Variants in TMEM117 observed in about 807,000 individuals in gnomAD.
The protein encoded by TMEM117 is transmembrane protein 117.
In TMEM117, 27 loss-of-function variants were observed where a neutral mutation model predicts 52.4. The ratio of observed to expected loss-of-function variants is 0.51; its 90% confidence interval spans 0.38 to 0.71. The LOEUF is 0.71. Ranked by LOEUF, TMEM117 falls within the 30% of genes least tolerant of loss-of-function variation. TMEM117 has a pLI of 0.00. For missense variants in TMEM117, 556 were observed against 630.5 expected (o/e 0.88, Z 1.26); for synonymous variants, 215 against 206.3 (o/e 1.04, Z -0.36).
chr12:44,119,360 G>A (rs1182870825), intron 3 of TMEM117, among the ~76,000 whole-genome samples: 2 of 152,136 alleles, frequency 1.3e-5, no homozygotes, highest in East Asian at 1.9e-4. Context: ...CCTCTTGATG[G>A]CAGGAAGCTC....
At chr12:44,216,530 G>A (rs1018526607) in intron 5 of TMEM117, among the ~76,000 whole-genome samples, 8 of 152,192 alleles carry the variant, frequency 5.3e-5, no homozygotes, top group East Asian at 1.9e-4. Flanking sequence ...GAAATGGGGC[G>A]CTGCCATAAC....
At chr12:44,383,331 AAT>A (rs1218518329) in intron 7 of TMEM117, among the ~76,000 whole-genome samples, 19 of 148,174 alleles carry the variant, frequency 1.3e-4, no homozygotes, top group African/African-American at 4.5e-4. Flanking sequence ...CTTTCCCTCA[AAT>A]TGTTGTCATT....
chr12:44,163,125 T>G (rs1948920029), intron 4 of TMEM117, among the ~76,000 whole-genome samples: 1 of 152,230 alleles, frequency 6.6e-6, no homozygotes, highest in Non-Finnish European at 1.5e-5. Context: ...GCTTGCACAT[T>G]CTTTGGTGGA....
At chr12:43,929,156 T>C (rs1240212004) in intron 2 of TMEM117, among the ~76,000 whole-genome samples, 1 of 152,172 alleles carries the variant, frequency 6.6e-6, no homozygotes, top group Non-Finnish European at 1.5e-5. Context: ...TCTAGATCCC[T>C]GAGGAATGGC....
At chr12:44,099,599 T>C (rs1947828802) in intron 3 of TMEM117, among the ~76,000 whole-genome samples, 1 of 152,038 alleles carries the variant, frequency 6.6e-6, no homozygotes, top group South Asian at 2.1e-4. Context: ...GAACCTGATA[T>C]AATAAAGTGA....
At chr12:44,083,621 C>G (rs1276514899) in intron 3 of TMEM117, 1 of 151,844 alleles carries the variant, frequency 6.6e-6, no homozygotes, top group Non-Finnish European at 1.5e-5. Context: ...TCAGGTTGCT[C>G]TTGAACTCCT....
At chr12:44,199,462 C>A (rs964610350) in intron 4 of TMEM117, among the ~76,000 whole-genome samples, 2 of 152,088 alleles carry the variant, frequency 1.3e-5, no homozygotes, top group African/African-American at 2.4e-5. Flanking sequence ...CTGATGTGAA[C>A]CAGTATATGA....
intron 2 of TMEM117, among the ~76,000 whole-genome samples, chr12:43,940,053 C>T (rs567473284): frequency 2.6e-5 from 4 of 152,194 alleles, no homozygotes; most frequent in Non-Finnish European, 5.9e-5. Context: ...GACCCTCCTA[C>T]AACACTTGGG....
chr12:44,088,240 G>A (rs1947604985), intron 3 of TMEM117, among the ~76,000 whole-genome samples: 1 of 152,142 alleles, frequency 6.6e-6, no homozygotes, highest in Admixed American at 6.5e-5. Context: ...ATATGAAGTG[G>A]TAATAATAAA....
chr12:44,301,686 A>G (rs369375383), intron 6 of TMEM117, among the ~76,000 whole-genome samples: 47 of 152,196 alleles, frequency 3.1e-4, no homozygotes, highest in South Asian at 2.3e-3. Context: ...TTTATTTTCC[A>G]TCTCTTATCT....
chr12:44,008,305 C>T (rs561947152), intron 3 of TMEM117, among the ~76,000 whole-genome samples: 1 of 152,176 alleles, frequency 6.6e-6, no homozygotes, highest in Non-Finnish European at 1.5e-5. Flanking sequence ...ATCTGTCAAA[C>T]ACCTGATACT....
chr12:44,259,565 G>T (rs770704054), intron 5 of TMEM117, among the ~76,000 whole-genome samples: 7 of 152,024 alleles, frequency 4.6e-5, no homozygotes, highest in African/African-American at 1.7e-4. Context: ...TACGATAATT[G>T]TCGGTAAAAG....
At chr12:43,806,387 C>G in the TMEM117 span, 4 of 1,200,988 alleles carry the variant, frequency 3.3e-6, no homozygotes, top group Non-Finnish European at 4.1e-6. Flanking sequence ...GTGAGGTTGA[C>G]TGAGTGCCCG....
chr12:44,355,596 C>T (rs1217090337), intron 6 of TMEM117, among the ~76,000 whole-genome samples: 1 of 152,032 alleles, frequency 6.6e-6, no homozygotes, highest in Non-Finnish European at 1.5e-5. Flanking sequence ...AAATTCAATG[C>T]TTTGAGAGTA....
chr12:44,039,971 T>C (rs544077250), intron 3 of TMEM117, among the ~76,000 whole-genome samples: 1 of 152,260 alleles, frequency 6.6e-6, no homozygotes, highest in African/African-American at 2.4e-5. Flanking sequence ...TTAAATCTTG[T>C]GATAGATTTG....
chr12:44,319,419 C>A (rs987456642), intron 6 of TMEM117, among the ~76,000 whole-genome samples: 5 of 152,166 alleles, frequency 3.3e-5, no homozygotes, highest in African/African-American at 1.2e-4. Flanking sequence ...GGGAGGCTCT[C>A]TGCCCACCCC....
intron 4 of TMEM117, among the ~76,000 whole-genome samples, chr12:44,207,487 A>C (rs1949584825): frequency 6.6e-6 from 1 of 152,066 alleles, no homozygotes; most frequent in Non-Finnish European, 1.5e-5. Context: ...GCCTTCAGTG[A>C]CCTCCTTCCT....
intron 2 of TMEM117, among the ~76,000 whole-genome samples, chr12:43,923,929 A>G (rs1944735903): frequency 1.3e-5 from 2 of 152,328 alleles, no homozygotes; most frequent in Admixed American, 6.5e-5. Context: ...AACACAATTT[A>G]TACTATATAG....
intron 5 of TMEM117, among the ~76,000 whole-genome samples, chr12:44,295,936 A>C (rs569770914): frequency 1.1e-4 from 17 of 152,280 alleles, no homozygotes; most frequent in Non-Finnish European, 1.6e-4. Flanking sequence ...TCTGCATTTG[A>C]AGGAACAAAT....
Sources: gnomAD v4.1 joint callset for allele counts (sites outside exome capture counted in the v4.1 genomes callset) on GRCh38, gnomAD v4.1.1 for gene constraint, MANE v1.5 for transcripts, NCBI Gene and HGNC (gene_info 2026-07-23, HGNC 2026-07-21) for gene names.